EEA1: variants seen among roughly 807,000 people sequenced by gnomAD.
EEA1 encodes early endosome antigen 1.
Under a neutral mutation model 209.2 loss-of-function variants are expected in EEA1, and 111 were observed. The observed-to-expected ratio is 0.53, with a 90% CI of 0.45 to 0.62. The LOEUF is 0.62. Among genes scored for constraint, EEA1 ranks in the 20% least tolerant of loss-of-function variants. EEA1 has a pLI of 0.00. For missense variants in EEA1, 1,343 were observed against 1,530.8 expected, an observed-to-expected ratio of 0.88 and a Z score of 2.05; for synonymous variants, 536 against 540.6, an observed-to-expected ratio of 0.99 and a Z score of 0.12.
intron 11 of EEA1, among the ~76,000 whole-genome samples, chr12:92,831,508 A>G (rs1876629633): frequency 6.7e-6 from 1 of 148,260 alleles, no homozygotes; most frequent in Admixed American, 6.8e-5. Flanking sequence ...AATATATGAT[A>G]TGAATAATAT....
chr12:92,898,354 C>T (rs1472054025), intron 1 of EEA1, among the ~76,000 whole-genome samples: 1 of 152,154 alleles, frequency 6.6e-6, no homozygotes, highest in Non-Finnish European at 1.5e-5. Flanking sequence ...GTTCTGTCAA[C>T]TAAAGAATGA....
chr12:92,891,704 G>T lies in EEA1; in HGVS notation c.42C>A (p.Gly14=). 6.2e-7 allele frequency: 1 copy of T among 1,610,006 alleles called. No individual in the cohort carries two copies. Residue 14 remains glycine, a synonymous_variant, in exon 2 of 29, where the codon GGC becomes GGA. Transcript: ENST00000322349. ...RILQRTPGRV[G]SQGSDLDSSA... is the part of the protein sequence containing the mutation. Reference sequence around the variant, plus strand: ...ATGAATCTAAATCAGAACCTTGAGAGCCAACTCTCCCAGGAGTCTGGAACA... The same window carrying T: ...ATGAATCTAAATCAGAACCTTGAGATCCAACTCTCCCAGGAGTCTGGAACA...
intron 5 of EEA1, among the ~76,000 whole-genome samples, chr12:92,855,322 A>G (rs545277795): frequency 5.3e-5 from 8 of 151,938 alleles, no homozygotes; most frequent in Non-Finnish European, 1.0e-4. Flanking sequence ...CCCAGCTACT[A>G]GGAAGGCTGA....
At chr12:92,895,281 G>C (rs1046847929) in intron 1 of EEA1, 1 of 151,492 alleles carries the variant, frequency 6.6e-6, no homozygotes, top group East Asian at 1.9e-4. Context: ...TCAGTCTCCT[G>C]CCTCAGAGTA....
chr12:92,806,349 A>G (rs1875205527), intron 18 of EEA1, among the ~76,000 whole-genome samples: 1 of 152,196 alleles, frequency 6.6e-6, no homozygotes, highest in South Asian at 2.1e-4. Flanking sequence ...TAAAAGTGTA[A>G]TATTATGAAC....
intron 15 of EEA1, among the ~76,000 whole-genome samples, chr12:92,813,614 T>A (rs971302636): frequency 2.0e-5 from 3 of 152,180 alleles, no homozygotes; most frequent in African/African-American, 7.2e-5. Context: ...ATATTAAAAA[T>A]TCAAGGCTGC....
rs1181772492 is a variant in EEA1 at position 92,775,022 on chromosome 12, A to C, written c.*989T>G. On this transcript the variant is annotated 3_prime_UTR_variant, in exon 29 of 29. Transcript: ENST00000322349. Reference sequence around the variant, plus strand: ...ACATGAAGCTGATCTATGCTTGAAAATGTTAAACCAAATAAAGGAAAAAAT... The same window carrying C: ...ACATGAAGCTGATCTATGCTTGAAACTGTTAAACCAAATAAAGGAAAAAAT... 4 of 151,786 alleles carry C rather than the reference A, an allele frequency of 2.6e-5. No individual in the cohort carries two copies. The highest frequency in any genetic ancestry group is 9.7e-5 in the African/African-American group (4 of 41,428). The allele number at this position is 151,786 out of a possible 1,614,324, so 9.4% of individuals were successfully genotyped here.
chr12:92,839,970 C>G (rs576814403), intron 10 of EEA1, among the ~76,000 whole-genome samples: 84 of 152,152 alleles, frequency 5.5e-4, no homozygotes, highest in Non-Finnish European at 1.1e-3. Context: ...CAGGGTCTCT[C>G]ATGAGGTTAT....
At chr12:92,878,572 A>G (rs1451550639) in intron 2 of EEA1, among the ~76,000 whole-genome samples, 1 of 152,186 alleles carries the variant, frequency 6.6e-6, no homozygotes, top group Non-Finnish European at 1.5e-5. Context: ...TTAAAGTCCT[A>G]AGCTTCCACC....
chr12:92,803,116 C>T (rs1487030468), intron 18 of EEA1, among the ~76,000 whole-genome samples: 1 of 152,048 alleles, frequency 6.6e-6, no homozygotes, highest in East Asian at 1.9e-4. Context: ...AGTTCTCCAA[C>T]ACAGAGAGAA....
intron 3 of EEA1, 87 bp from the exon 4 acceptor site, chr12:92,857,572 A>G: frequency 1.3e-6 from 1 of 767,962 alleles, no homozygotes; most frequent in Admixed American, 2.8e-5. Flanking sequence ...GTAATTGTAT[A>G]TTAATATTAT....
intron 13 of EEA1, chr12:92,820,953 A>ACT (rs1293546328): frequency 1.3e-5 from 2 of 151,346 alleles, no homozygotes; most frequent in Admixed American, 6.6e-5. Flanking sequence ...CACTGCCATT[A>ACT]CTCTCTCTCT....
At chr12:92,796,579 A>G (rs1425123157) in intron 21 of EEA1, among the ~76,000 whole-genome samples, 1 of 152,078 alleles carries the variant, frequency 6.6e-6, no homozygotes, top group East Asian at 1.9e-4. Flanking sequence ...ATAAAACTAC[A>G]TATCTAGACA....
intron 21 of EEA1, among the ~76,000 whole-genome samples, chr12:92,791,748 G>A (rs893630131): frequency 6.6e-6 from 1 of 152,254 alleles, no homozygotes; most frequent in South Asian, 2.1e-4. Context: ...TCCAGGATCT[G>A]AACTCAGCTC....
At chr12:92,872,966 G>T (rs1378495093) in intron 2 of EEA1, among the ~76,000 whole-genome samples, 1 of 151,762 alleles carries the variant, frequency 6.6e-6, no homozygotes, top group Non-Finnish European at 1.5e-5. Context: ...ACAAAAAAAA[G>T]AATAATAGGA....
At chr12:92,857,717 CAT>C (rs1877943575) in intron 3 of EEA1, among the ~76,000 whole-genome samples, 1 of 152,138 alleles carries the variant, frequency 6.6e-6, no homozygotes, top group Non-Finnish European at 1.5e-5. Context: ...TGGAAATAAT[CAT>C]ATAACTGACT....
intron 14 of EEA1, among the ~76,000 whole-genome samples, chr12:92,816,921 T>C (rs2136679530): frequency 6.6e-6 from 1 of 151,396 alleles, no homozygotes; most frequent in East Asian, 1.9e-4. Flanking sequence ...TTCATAATGG[T>C]ATCTTTTGAA....
intron 3 of EEA1, among the ~76,000 whole-genome samples, chr12:92,862,650 TAA>T (rs141072953): frequency 0.016 from 2,473 of 152,064 alleles, 30 homozygotes; most frequent in Non-Finnish European, 0.025. Flanking sequence ...AGTACAAGAC[TAA>T]AGATAGAGAG....
intron 1 of EEA1, among the ~76,000 whole-genome samples, chr12:92,895,014 T>C (rs1879809066): frequency 6.6e-6 from 1 of 152,182 alleles, no homozygotes; most frequent in Non-Finnish European, 1.5e-5. Context: ...CCAATGATCA[T>C]TTATACCGTT....
Sources: gnomAD v4.1 joint callset for allele counts (sites outside exome capture counted in the v4.1 genomes callset) on GRCh38, gnomAD v4.1.1 for gene constraint, MANE v1.5 for transcripts, NCBI Gene and HGNC (gene_info 2026-07-23, HGNC 2026-07-21) for gene names.